MARCHF1: variants seen among roughly 807,000 people sequenced by gnomAD.
MARCHF1 encodes the protein membrane associated ring-CH-type finger 1.
In MARCHF1, 40 loss-of-function variants were observed where a neutral mutation model predicts 54.2. That is an observed-to-expected ratio of 0.74 (90% CI 0.57 to 0.96). The LOEUF (loss-of-function observed/expected upper bound fraction) is 0.96. MARCHF1 is among the 40% of genes least tolerant of loss of function. The pLI, the probability that MARCHF1 is intolerant of heterozygous loss-of-function variation, is 0.00. For missense variants in MARCHF1, 586 were observed against 656.5 expected (o/e 0.89, Z 1.17); for synonymous variants, 236 against 236.3 (o/e 1.00, Z 0.01).
chr4:163,591,789 C>A (rs1488657380), intron 7 of MARCHF1, among the ~76,000 whole-genome samples: 2 of 152,078 alleles, frequency 1.3e-5, no homozygotes, highest in African/African-American at 4.8e-5. Flanking sequence ...AATTGTGATC[C>A]TTTTATATAC....
chr4:163,808,576 T>C (rs1748292883), intron 4 of MARCHF1, among the ~76,000 whole-genome samples: 1 of 152,130 alleles, frequency 6.6e-6, no homozygotes, highest in Non-Finnish European at 1.5e-5. Flanking sequence ...TTTATTTTTA[T>C]TTTATTTTTT....
chr4:164,067,161 T>C (rs1392838432), intron 2 of MARCHF1, among the ~76,000 whole-genome samples: 1 of 152,206 alleles, frequency 6.6e-6, no homozygotes, highest in Non-Finnish European at 1.5e-5. Context: ...AATGTCCATA[T>C]GGCCCAAAGA....
At chr4:164,287,061 A>C (rs1470055712) in intron 1 of MARCHF1, among the ~76,000 whole-genome samples, 1 of 148,900 alleles carries the variant, frequency 6.7e-6, no homozygotes, top group African/African-American at 2.4e-5. Context: ...GCAGAAGAAA[A>C]AAATAATTTT....
chr4:163,638,796 A>G lies in MARCHF1; in HGVS notation c.163-25403T>C, dbSNP rs557082288. ...ATCGATGGATGAATGGATAAACAAA[A>G]TAAGGTATGTATACGTATATCTATA... On this transcript the variant is annotated intron_variant, in intron 5 of 9. Coordinates refer to ENST00000514618, the MANE Select transcript of MARCHF1 (RefSeq NM_001394959.1). Among the ~76,000 whole-genome samples, 44 of 152,348 alleles carry G rather than the reference A, an allele frequency of 2.9e-4. 1 individual carries two copies. In the South Asian group the frequency reaches 9.1e-3, roughly 32 times the overall value.
At chr4:164,139,444 CA>C (rs1756473432) in intron 1 of MARCHF1, among the ~76,000 whole-genome samples, 1 of 149,250 alleles carries the variant, frequency 6.7e-6, no homozygotes. Flanking sequence ...AACAAACAAA[CA>C]AAACCATCAA....
chr4:164,295,485 C>T (rs1734388723), intron 1 of MARCHF1, among the ~76,000 whole-genome samples: 1 of 151,874 alleles, frequency 6.6e-6, no homozygotes, highest in Non-Finnish European at 1.5e-5. Context: ...ACTCTGACTA[C>T]AGAAGTAAGC....
rs59391980 is a variant in MARCHF1, at chr4:163,733,224, C to CACAT, written c.112-32362_112-32361insATGT. 1.6e-3 allele frequency among the ~76,000 whole-genome samples: 18 copies of CACAT among 11,514 alleles called. 3 individuals carry two copies. Among genetic ancestry groups the CACAT allele is most frequent in the African/African-American group, 3.2e-3 (16 of 4,944 alleles). The allele number at this position is 11,514 out of a possible 152,430, so 7.6% of individuals were successfully genotyped here. ...ATATATATATATATATATATATACA[C>CACAT]GTGTATATATATATATACACGTGTA... On this transcript the variant is annotated intron_variant, in intron 4 of 9. Transcript: ENST00000514618.
In MARCHF1 at chr4:164,185,920, T is replaced by C. The variant is rs566792661; in HGVS notation, c.-322-74258A>G. ...TTTCTGGTTTGGTTTTGAGATGGAA[T>C]CTCGCTCTTGTTACCCAGGCTGGAG... On this transcript the variant is annotated intron_variant, in intron 1 of 9. Coordinates refer to ENST00000514618, the MANE Select transcript of MARCHF1 (RefSeq NM_001394959.1). 2.0e-5 allele frequency among the ~76,000 whole-genome samples: 3 copies of C among 152,170 alleles called. No homozygotes were observed. The South Asian group carries it at 6.2e-4, about 32-fold the overall frequency.
At chr4:163,799,328 T>C (rs1748012621) in intron 4 of MARCHF1, among the ~76,000 whole-genome samples, 1 of 152,142 alleles carries the variant, frequency 6.6e-6, no homozygotes, top group African/African-American at 2.4e-5. Context: ...GTATTGTATC[T>C]AGATGTTCCT....
intron 5 of MARCHF1, among the ~76,000 whole-genome samples, chr4:163,672,997 A>G (rs1743787967): frequency 1.3e-5 from 2 of 152,072 alleles, no homozygotes; most frequent in East Asian, 3.9e-4. Flanking sequence ...TCCTCCCCTT[A>G]ATCCAGGACA....
At chr4:163,568,517 A>G (rs1174140019) in intron 8 of MARCHF1, among the ~76,000 whole-genome samples, 2 of 152,124 alleles carry the variant, frequency 1.3e-5, no homozygotes, top group Non-Finnish European at 2.9e-5. Flanking sequence ...ACAGAAATAA[A>G]TTCTTGAGCT....
chr4:164,332,437 A>C (rs1026384870), intron 1 of MARCHF1, among the ~76,000 whole-genome samples: 1 of 152,232 alleles, frequency 6.6e-6, no homozygotes, highest in Non-Finnish European at 1.5e-5. Context: ...TCTCTGAGAG[A>C]ATAGAATATT....
At chr4:164,078,763 T>C (rs193135314) in intron 2 of MARCHF1, among the ~76,000 whole-genome samples, 265 of 152,282 alleles carry the variant, frequency 1.7e-3, no homozygotes, top group Middle Eastern at 6.8e-3. Context: ...GTTTGATATA[T>C]TTCCGAGCAT....
chr4:163,813,958 A>G (rs896466023), intron 4 of MARCHF1, among the ~76,000 whole-genome samples: 1 of 152,194 alleles, frequency 6.6e-6, no homozygotes, highest in African/African-American at 2.4e-5. Flanking sequence ...ATCTAAGCCC[A>G]GGGCATAAAA....
chr4:164,063,472 T>C (rs1475445461), intron 2 of MARCHF1, among the ~76,000 whole-genome samples: 1 of 152,218 alleles, frequency 6.6e-6, no homozygotes, highest in Non-Finnish European at 1.5e-5. Context: ...TTAAATACCA[T>C]GGCTCAACCT....
chr4:163,834,290 AAC>A (rs1749114770), intron 4 of MARCHF1, among the ~76,000 whole-genome samples: 1 of 152,122 alleles, frequency 6.6e-6, no homozygotes, highest in Admixed American at 6.6e-5. Context: ...AAAAAAAAAA[AAC>A]ATTACTAACT....
intron 1 of MARCHF1, among the ~76,000 whole-genome samples, chr4:164,251,857 A>C (rs1362366503): frequency 6.6e-6 from 1 of 152,214 alleles, no homozygotes; most frequent in Non-Finnish European, 1.5e-5. Context: ...TTTAAGAAAG[A>C]TTAAGTGAAA....
chr4:164,312,324 T>TTC (rs1554000547), intron 1 of MARCHF1, among the ~76,000 whole-genome samples: 277 of 139,866 alleles, frequency 2.0e-3, no homozygotes, highest in African/African-American at 6.9e-3. Flanking sequence ...TTTTTCTTTT[T>TTC]TTTTTTTTTT....
chr4:164,364,194 T>C (rs925667539), intron 1 of MARCHF1, among the ~76,000 whole-genome samples: 1 of 152,054 alleles, frequency 6.6e-6, no homozygotes, highest in African/African-American at 2.4e-5. Context: ...AAAGTTCTGG[T>C]ATTTCTTGAA....
Sources: gnomAD v4.1 joint callset for allele counts (sites outside exome capture counted in the v4.1 genomes callset) on GRCh38, gnomAD v4.1.1 for gene constraint, MANE v1.5 for transcripts, NCBI Gene and HGNC (gene_info 2026-07-23, HGNC 2026-07-21) for gene names.